Variants in ZNF343 observed in about 807,000 individuals in gnomAD.
ZNF343 encodes the protein zinc finger protein 343.
ZNF343 carries 11 observed loss-of-function variants against 13.8 expected under a neutral mutation model. The ratio of observed to expected loss-of-function variants is 0.80; its 90% CI spans 0.50 to 1.32. ZNF343 has a LOEUF of 1.32. ZNF343 is among the 40% of genes most tolerant of loss of function. ZNF343 has a pLI of 0.00. For synonymous variants in ZNF343, 248 were observed against 260.0 expected (o/e 0.95, Z 0.44); for missense variants, 658 against 714.2 (o/e 0.92, Z 0.90).
chr20:2,497,026 G>C (rs2085471074), intron 2 of ZNF343, among the ~76,000 whole-genome samples: 1 of 152,086 alleles, frequency 6.6e-6, no homozygotes, highest in Non-Finnish European at 1.5e-5. Flanking sequence ...GTTGCGGTGA[G>C]CCGAGATCGC....
chr20:2,499,487 A>G (rs2085523841), intron 2 of ZNF343, among the ~76,000 whole-genome samples: 4 of 146,960 alleles, frequency 2.7e-5, no homozygotes, highest in Non-Finnish European at 3.0e-5. Context: ...AAAAAAAAAA[A>G]AAAAGAAAAA....
chr20:2,482,856 C>A lies in ZNF343; in HGVS notation c.*305G>T. The A allele has an allele frequency of 3.0e-6, 1 of 337,930 alleles. No individual in the cohort carries two copies. The highest frequency in any genetic ancestry group is 4.4e-5 in the Admixed American group (1 of 22,752). 20.9% of individuals were successfully genotyped at this position (337,930 alleles called of 1,614,324 possible). A position where few individuals can be genotyped will look rare whatever the true frequency, so the allele number is the denominator to read the frequency against. ...TTCCCCTGAGGCTGTCATTGGATGT[C>A]TGGTAAATGTTGATTATTGCTAAAG... On this transcript the variant is annotated 3_prime_UTR_variant, in exon 6 of 6. Transcript: ENST00000278772.
intron 5 of ZNF343, chr20:2,491,788 G>A (rs1361682680): frequency 6.6e-6 from 1 of 152,068 alleles, no homozygotes; most frequent in Non-Finnish European, 1.5e-5. Flanking sequence ...GAAAAAGTTG[G>A]CCAACCCCTG....
chr20:2,506,544 C>T (rs1446610148), intron 1 of ZNF343, among the ~76,000 whole-genome samples: 2 of 151,754 alleles, frequency 1.3e-5, no homozygotes, highest in African/African-American at 4.8e-5. Context: ...TGGAACCAAC[C>T]CAAATGTCCA....
In ZNF343 at chr20:2,508,465, C is replaced by A. The variant is rs991286553; in HGVS notation, c.-237+416G>T. ...ACCCAGGGATGTGCGGACCTAGCCA[C>A]GTCCCCACCCCAGCCGCGGGGATGT... On this transcript the variant is annotated intron_variant, in intron 1 of 5. Transcript: ENST00000278772. This position sits in a 1 kb window ranked among gnomAD's most constrained non-coding sequence, Gnocchi z 4.5. Among the ~76,000 whole-genome samples, 1 of 152,138 alleles carries A rather than the reference C, an allele frequency of 6.6e-6. No homozygotes were observed. The highest frequency in any genetic ancestry group is 1.5e-5 in the Non-Finnish European group (1 of 68,026).
intron 5 of ZNF343, among the ~76,000 whole-genome samples, chr20:2,485,348 T>C (rs2085265632): frequency 6.6e-6 from 1 of 152,210 alleles, no homozygotes; most frequent in Non-Finnish European, 1.5e-5. Context: ...AAACTTTTCA[T>C]TTACAGCAGC....
At chr20:2,491,536 A>G (rs2085364990) in intron 5 of ZNF343, among the ~76,000 whole-genome samples, 1 of 152,202 alleles carries the variant, frequency 6.6e-6, no homozygotes. Flanking sequence ...TGTATCACCT[A>G]CAAGCTAAGA....
upstream of ZNF343, among the ~76,000 whole-genome samples, chr20:2,509,320 A>G (rs569661426): frequency 2.0e-5 from 3 of 152,072 alleles, no homozygotes; most frequent in Non-Finnish European, 4.4e-5. Context: ...CACGCGAACT[A>G]CCTTGCGTGA....
chr20:2,483,854 G>A lies in ZNF343; in HGVS notation c.1107C>T (p.Ile369=), dbSNP rs762034626. ...GRGFSEKSSF[I]RHQRTHSGEK... Reference sequence around the variant, plus strand: ...CACCGGAGTGTGTCCTCTGGTGTCTGATGAAGGATGACTTCTCGCTAAAGC... The same window carrying A: ...CACCGGAGTGTGTCCTCTGGTGTCTAATGAAGGATGACTTCTCGCTAAAGC... The change falls in exon 6 of 6, where the codon ATC becomes ATT. Residue 369 remains isoleucine, a synonymous_variant. Coordinates refer to ENST00000278772, the MANE Select transcript of ZNF343 (RefSeq NM_024325.6). The A allele has an allele frequency of 9.9e-6, 16 of 1,613,852 alleles. No homozygotes were observed. Among genetic ancestry groups the A allele is most frequent in the African/African-American group, 4.0e-5 (3 of 74,874 alleles).
At chr20:2,501,929 G>C (rs2085573879) in intron 1 of ZNF343, among the ~76,000 whole-genome samples, 1 of 152,214 alleles carries the variant, frequency 6.6e-6, no homozygotes, top group African/African-American at 2.4e-5. Flanking sequence ...AAGGAATGCA[G>C]CTCCTCACTA....
rs546107403 is a variant in ZNF343, at chr20:2,499,623, G to A, written c.-150+1033C>T. Among the ~76,000 whole-genome samples, 14 of 152,260 alleles carry A rather than the reference G, an allele frequency of 9.2e-5. No individual in the cohort carries two copies. The South Asian group carries it at 2.9e-3, about 32-fold the overall frequency. On this transcript the variant is annotated intron_variant, in intron 2 of 5. Coordinates refer to ENST00000278772, the MANE Select transcript of ZNF343 (RefSeq NM_024325.6). ...AGATGAAAATTTGGGTAGCACAACA[G>A]TGAGATGAGGGGAAAATAATAAAGG...
intron 3 of ZNF343, 72 bp downstream of exon 3, chr20:2,493,706 C>T (rs902053578): frequency 7.8e-5 from 114 of 1,467,794 alleles, no homozygotes; most frequent in Admixed American, 4.3e-4. Flanking sequence ...GAGGTGACCT[C>T]TGAAGCATTT....
At position 2,507,219 on chromosome 20, in the gene ZNF343, G is replaced by A. The variant is rs561875012; in HGVS notation, c.-237+1662C>T. 3.7e-3 allele frequency among the ~76,000 whole-genome samples: 554 copies of A among 148,962 alleles called. 8 individuals carry two copies. The highest frequency in any genetic ancestry group is 0.012 in the African/African-American group (494 of 40,160). On this transcript the variant is annotated intron_variant, in intron 1 of 5. Transcript: ENST00000278772. The stretch of plus-strand genomic sequence containing the variant: ...GTGGAGGTTGCGGTGAGCCGAGATC[G>A]CGCCACTGCACTCCAGCCTGGGCAA...
chr20:2,519,295 C>G (rs1424610400), intron 1 of ZNF343, among the ~76,000 whole-genome samples: 1 of 152,184 alleles, frequency 6.6e-6, no homozygotes, highest in African/African-American at 2.4e-5. Flanking sequence ...CACCCTAATC[C>G]TGACTGTGAC....
chr20:2,512,038 G>A (rs547246277), upstream of ZNF343, among the ~76,000 whole-genome samples: 1 of 152,240 alleles, frequency 6.6e-6, no homozygotes, highest in African/African-American at 2.4e-5. Context: ...ACTAACAAAC[G>A]ATTTGAAAAT....
intron 1 of ZNF343, among the ~76,000 whole-genome samples, chr20:2,520,981 A>T (rs2085779876): frequency 6.6e-6 from 1 of 152,190 alleles, no homozygotes; most frequent in Non-Finnish European, 1.5e-5. Flanking sequence ...TGGAGTGGGA[A>T]GTCTTTAATG....
chr20:2,511,112 CCTTT>C (rs1218070886), upstream of ZNF343, among the ~76,000 whole-genome samples: 5 of 151,028 alleles, frequency 3.3e-5, no homozygotes, highest in East Asian at 5.8e-4. Context: ...CTTTCCTTTT[CCTTT>C]CTTTTTTTTT....
chr20:2,519,812 G>T (rs1341512679), intron 1 of ZNF343, among the ~76,000 whole-genome samples: 1 of 152,170 alleles, frequency 6.6e-6, no homozygotes, highest in Non-Finnish European at 1.5e-5. Flanking sequence ...GTTTTCAACT[G>T]TTCTGTTTAG....
At chr20:2,521,063 C>T (rs1232393110) in intron 1 of ZNF343, among the ~76,000 whole-genome samples, 1 of 152,122 alleles carries the variant, frequency 6.6e-6, no homozygotes, top group African/African-American at 2.4e-5. Flanking sequence ...TAGACTTAGC[C>T]TTTGGGACAA....
Sources: gnomAD v4.1 joint callset for allele counts (sites outside exome capture counted in the v4.1 genomes callset) on GRCh38, gnomAD v4.1.1 for gene constraint, Gnocchi (gnomAD v3.1) non-coding constraint, MANE v1.5 for transcripts, NCBI Gene and HGNC (gene_info 2026-07-23, HGNC 2026-07-21) for gene names.